PPP2R5E: variants seen among roughly 807,000 people sequenced by gnomAD.
PPP2R5E encodes protein phosphatase 2 regulatory subunit B'epsilon, also known as serine/threonine-protein phosphatase 2A 56 kDa regulatory subunit epsilon isoform.
Under a neutral mutation model 65.3 loss-of-function variants are expected in PPP2R5E, and 4 were observed. That is an observed-to-expected ratio of 0.06 (90% CI 0.03 to 0.14). The LOEUF is 0.14. PPP2R5E is among the 10% of genes least tolerant of loss of function. The probability of loss-of-function intolerance (pLI) is 1.00; values close to 1 mark genes in which losing one functional copy is unlikely to be tolerated. For synonymous variants in PPP2R5E, 183 were observed against 187.4 expected, an observed-to-expected ratio of 0.98 and a Z score of 0.19; for missense variants, 274 against 556.1, an observed-to-expected ratio of 0.49 and a Z score of 5.10.
chr14:63,415,068 C>G lies in PPP2R5E; in HGVS notation c.549+72G>C, dbSNP rs145733203. 1,712 of 1,130,454 alleles carry G rather than the reference C, an allele frequency of 1.5e-3. 23 individuals are homozygous for G. In the African/African-American group the frequency reaches 0.024, roughly 16 times the overall value. 70.0% of individuals were successfully genotyped at this position (1,130,454 alleles called of 1,614,324 possible). A position where few individuals can be genotyped will look rare whatever the true frequency, so the allele number is the denominator to read the frequency against. On this transcript the variant is annotated intron_variant, in intron 5 of 13. Transcript: ENST00000337537. ...AACTGTCATTGCAAAACTTTTTTAA[C>G]AAACATGAAGAGAAAATGAGATAAA...
intron 4 of PPP2R5E, among the ~76,000 whole-genome samples, chr14:63,418,259 C>T (rs1886809758): frequency 6.6e-6 from 1 of 152,168 alleles, no homozygotes; most frequent in Non-Finnish European, 1.5e-5. Context: ...GGTTTTAGCC[C>T]TCTTTCGATT....
intron 2 of PPP2R5E, among the ~76,000 whole-genome samples, chr14:63,476,012 T>C (rs1208636882): frequency 6.6e-6 from 1 of 152,208 alleles, no homozygotes; most frequent in Non-Finnish European, 1.5e-5. Context: ...ACATACATTC[T>C]TCATTTCAAT....
chr14:63,495,107 G>A (rs1891480481), intron 2 of PPP2R5E, among the ~76,000 whole-genome samples: 1 of 151,248 alleles, frequency 6.6e-6, no homozygotes, highest in East Asian at 1.9e-4. Flanking sequence ...GGAGGCTGAG[G>A]CAGGACAATC....
chr14:63,510,220 G>A (rs1266748288), intron 2 of PPP2R5E, among the ~76,000 whole-genome samples: 2 of 152,294 alleles, frequency 1.3e-5, no homozygotes, highest in African/African-American at 2.4e-5. Flanking sequence ...GCTGCCTCCA[G>A]CCCAACAACA....
intron 2 of PPP2R5E, among the ~76,000 whole-genome samples, chr14:63,454,660 G>A (rs781353899): frequency 3.3e-5 from 5 of 152,150 alleles, no homozygotes; most frequent in Admixed American, 6.5e-5. Flanking sequence ...GAAATTTTAG[G>A]TTAGTTGAAA....
At chr14:63,514,696 C>T (rs1892595503) in intron 2 of PPP2R5E, among the ~76,000 whole-genome samples, 1 of 152,128 alleles carries the variant, frequency 6.6e-6, no homozygotes, top group African/African-American at 2.4e-5. Context: ...GGGGCACTAT[C>T]CTAGACAGCA....
chr14:63,511,983 G>A (rs1892472508), intron 2 of PPP2R5E, among the ~76,000 whole-genome samples: 1 of 151,004 alleles, frequency 6.6e-6, no homozygotes, highest in African/African-American at 2.4e-5. Context: ...GGAGGCTGAG[G>A]CAGAAGAATC....
In PPP2R5E at chr14:63,374,659, A is replaced by ATATATATATATATATC; in HGVS notation, c.*1349_*1350insGATATATATATATATA. ...GATATATATATATATATATATATAT[A>ATATATATATATATATC]TATATATATAAAATACAGCCCTAGA... is the stretch of plus-strand genomic sequence containing the variant. On this transcript the variant is annotated 3_prime_UTR_variant, in exon 14 of 14. Coordinates refer to ENST00000337537, the MANE Select transcript of PPP2R5E (RefSeq NM_006246.5). 1 of 129,082 alleles carries ATATATATATATATATC rather than the reference A, an allele frequency of 7.7e-6. No homozygotes were observed. Among genetic ancestry groups the ATATATATATATATATC allele is most frequent in the African/African-American group, 3.4e-5 (1 of 29,144 alleles). 8.0% of individuals were successfully genotyped at this position (129,082 alleles called of 1,614,324 possible).
At chr14:63,447,331 G>A (rs892570632) in intron 3 of PPP2R5E, among the ~76,000 whole-genome samples, 5 of 152,196 alleles carry the variant, frequency 3.3e-5, no homozygotes, top group African/African-American at 1.2e-4. Context: ...GACAACTTGC[G>A]GCAGCTTTAG....
intron 2 of PPP2R5E, among the ~76,000 whole-genome samples, chr14:63,481,748 C>G (rs774273595): frequency 3.9e-4 from 59 of 152,162 alleles, no homozygotes; most frequent in Non-Finnish European, 6.2e-4. Flanking sequence ...TGAATTAACA[C>G]AGCCTCATGG....
At position 63,415,158 on chromosome 14, in the gene PPP2R5E, A is replaced by G. The variant is rs776446375; in HGVS notation, c.531T>C (p.Asp177=). ...FQPSIAKKYI[D]QKFVLQLLEL... Reference sequence around the variant, plus strand: ...TGCTTACCTGTAATACAAATTTCTGATCTATATATTTTTTGGCAATGCTGG... The same window carrying G: ...TGCTTACCTGTAATACAAATTTCTGGTCTATATATTTTTTGGCAATGCTGG... Residue 177 remains aspartate (D), a synonymous_variant, in exon 5 of 14, where the codon GAT becomes GAC. Coordinates refer to ENST00000337537, the MANE Select transcript of PPP2R5E (RefSeq NM_006246.5). 3 of 1,589,846 alleles carry G rather than the reference A, an allele frequency of 1.9e-6. No homozygotes were observed. Among genetic ancestry groups the G allele is most frequent in the Non-Finnish European group, 8.6e-7 (1 of 1,158,624 alleles).
At chr14:63,530,226 GTTTTTTTTTTT>G (rs555112537) in intron 2 of PPP2R5E, among the ~76,000 whole-genome samples, 1 of 99,458 alleles carries the variant, frequency 1.0e-5, no homozygotes, top group East Asian at 2.9e-4. Flanking sequence ...AAATTTTTCC[GTTTTTTTTTTT>G]TTTTTTTTTT....
At chr14:63,539,077 A>ATTT (rs550545301) in intron 2 of PPP2R5E, among the ~76,000 whole-genome samples, 1,891 of 152,044 alleles carry the variant, frequency 0.012, 39 homozygotes, top group African/African-American at 0.044. Context: ...TAAATGGACC[A>ATTT]TTTTTTTCTT....
At chr14:63,522,259 A>C (rs1389222441) in intron 2 of PPP2R5E, among the ~76,000 whole-genome samples, 1 of 152,084 alleles carries the variant, frequency 6.6e-6, no homozygotes, top group Admixed American at 6.5e-5. Flanking sequence ...AATGTTGCCC[A>C]GGCTGGAGTG....
intron 2 of PPP2R5E, among the ~76,000 whole-genome samples, chr14:63,482,850 A>G (rs1419614128): frequency 1.3e-5 from 2 of 152,184 alleles, no homozygotes; most frequent in Non-Finnish European, 2.9e-5. Flanking sequence ...CCCTCAACAT[A>G]CAAGTACACA....
At chr14:63,507,864 C>CACCGCA (rs1466409736) in intron 2 of PPP2R5E, among the ~76,000 whole-genome samples, 1 of 152,018 alleles carries the variant, frequency 6.6e-6, no homozygotes, top group Non-Finnish European at 1.5e-5. Flanking sequence ...AGGCGTGAGC[C>CACCGCA]ACCGCAACCG....
At chr14:63,542,604 A>G (rs916162194) in intron 1 of PPP2R5E, among the ~76,000 whole-genome samples, 175 bp downstream of exon 1, 1 of 152,124 alleles carries the variant, frequency 6.6e-6, no homozygotes, top group Non-Finnish European at 1.5e-5. Context: ...CATCAGAAGC[A>G]TTTGTAGGTA....
At chr14:63,404,531 CA>C (rs1885958199) in intron 5 of PPP2R5E, among the ~76,000 whole-genome samples, 1 of 152,152 alleles carries the variant, frequency 6.6e-6, no homozygotes, top group Non-Finnish European at 1.5e-5. Flanking sequence ...CAGAACGACT[CA>C]AGGGATGCAC....
chr14:63,471,111 T>C (rs986950988), intron 2 of PPP2R5E, among the ~76,000 whole-genome samples: 6 of 152,190 alleles, frequency 3.9e-5, no homozygotes, highest in Admixed American at 3.9e-4. Context: ...ATTACATAAA[T>C]CTGCAAAAAC....
Sources: gnomAD v4.1 joint callset for allele counts (sites outside exome capture counted in the v4.1 genomes callset) on GRCh38, gnomAD v4.1.1 for gene constraint, MANE v1.5 for transcripts, NCBI Gene and HGNC (gene_info 2026-07-23, HGNC 2026-07-21) for gene names.